The following OPTN variants were observed in gnomAD, a reference collection of about 807,000 sequenced individuals.
OPTN encodes the protein E3-14.7K-interacting protein.
OPTN carries 54 observed loss-of-function variants against 70.4 expected under a neutral mutation model. The ratio of observed to expected loss-of-function variants is 0.77; its 90% confidence interval spans 0.62 to 0.96. The LOEUF (loss-of-function observed/expected upper bound fraction) is 0.96, where lower values mean the gene tolerates loss of function less well. Among genes scored for constraint, OPTN ranks in the 40% least tolerant of loss-of-function variants. OPTN has a pLI of 0.00. For synonymous variants in OPTN, 256 were observed against 248.5 expected (o/e 1.03, Z -0.28); for missense variants, 624 against 673.2 (o/e 0.93, Z 0.81).
rs1832783010 is a variant in OPTN, at chr10:13,102,969, ATATT to A, written c.-164+2670_-164+2673del. Among the ~76,000 whole-genome samples, 3 of 151,980 alleles carry A rather than the reference ATATT, an allele frequency of 2.0e-5. No homozygotes were observed. In the South Asian group the frequency reaches 6.3e-4, roughly 32 times the overall value. On this transcript the variant is annotated intron_variant, in intron 1 of 14. Transcript: ENST00000378747. ...ATTTAAAAAAAAAAAGAAAAAATAA[ATATT>A]TAGGAGGTAGAGGTGATGGCATTTG...
chr10:13,110,015 A>G (rs1461737687), intron 3 of OPTN, among the ~76,000 whole-genome samples: 1 of 152,064 alleles, frequency 6.6e-6, no homozygotes, highest in Non-Finnish European at 1.5e-5. Flanking sequence ...AGATATTTAG[A>G]TATTTGTGCT....
intron 11 of OPTN, among the ~76,000 whole-genome samples, chr10:13,126,535 C>T (rs573978945): frequency 6.6e-6 from 1 of 152,186 alleles, no homozygotes; most frequent in South Asian, 2.1e-4. Flanking sequence ...CCGCCTCGGC[C>T]TCCCAAAGTG....
At chr10:13,133,791 G>T (rs184581129) in intron 14 of OPTN, among the ~76,000 whole-genome samples, 3 of 151,906 alleles carry the variant, frequency 2.0e-5, no homozygotes, top group Non-Finnish European at 4.4e-5. Context: ...AAGGTGCCTG[G>T]CACGGCCACA....
intron 6 of OPTN, among the ~76,000 whole-genome samples, chr10:13,117,452 T>G (rs1378339110): frequency 2.6e-5 from 2 of 76,036 alleles, no homozygotes. Flanking sequence ...TTTTTTTTTT[T>G]TTTTTTTTTT....
At chr10:13,102,468 A>G (rs1018869112) in intron 1 of OPTN, among the ~76,000 whole-genome samples, 6 of 152,252 alleles carry the variant, frequency 3.9e-5, no homozygotes, top group Non-Finnish European at 7.3e-5. Flanking sequence ...AATGTATTCA[A>G]CAGATATTTA....
intron 8 of OPTN, chr10:13,123,035 T>C (rs1833385531): frequency 6.1e-6 from 1 of 163,446 alleles, no homozygotes; most frequent in Middle Eastern, 1.5e-3. Flanking sequence ...CTTGACTGAT[T>C]TCTTCTCCTC....
At chr10:13,113,319 C>G (rs1833050595) in intron 5 of OPTN, among the ~76,000 whole-genome samples, 2 of 152,214 alleles carry the variant, frequency 1.3e-5, no homozygotes, top group African/African-American at 4.8e-5. Context: ...AGCCACCGCG[C>G]CTGGCCAACA....
At chr10:13,121,238 C>G (rs574076754) in intron 7 of OPTN, among the ~76,000 whole-genome samples, 1 of 152,104 alleles carries the variant, frequency 6.6e-6, no homozygotes, top group Non-Finnish European at 1.5e-5. Context: ...AAATTGCACT[C>G]GAGAGATAGT....
chr10:13,100,666 G>T (rs114769804), intron 1 of OPTN, among the ~76,000 whole-genome samples: 1,645 of 152,354 alleles, frequency 0.011, 35 homozygotes, highest in African/African-American at 0.038. Flanking sequence ...CCATAAGGAG[G>T]TGGTTACAGA....
In OPTN at chr10:13,117,439, G is replaced by GTT. The variant is rs1168488076; in HGVS notation, c.626+1122_626+1123dup. On this transcript the variant is annotated intron_variant, in intron 6 of 14. Coordinates refer to ENST00000378747, the MANE Select transcript of OPTN (RefSeq NM_001008212.2). ...ATCTTTTTTTTTTTTTTGAGATGGA[G>GTT]TTTTTTTTTTTTTTTTTTTTTTTTG... Among the ~76,000 whole-genome samples the GTT allele has an allele frequency of 6.7e-3, 218 of 32,732 alleles. 13 individuals carry two copies. The highest frequency in any genetic ancestry group is 8.5e-3 in the South Asian group (6 of 702). 21.5% of individuals were successfully genotyped at this position (32,732 alleles called of 152,430 possible).
At chr10:13,124,777 A>G (rs1833423587) in intron 9 of OPTN, among the ~76,000 whole-genome samples, 1 of 152,226 alleles carries the variant, frequency 6.6e-6, no homozygotes, top group African/African-American at 2.4e-5. Context: ...CCTAGATTTA[A>G]CATATGAGTC....
chr10:13,102,624 T>C (rs185736845), intron 1 of OPTN, among the ~76,000 whole-genome samples: 20 of 152,152 alleles, frequency 1.3e-4, no homozygotes, highest in African/African-American at 4.6e-4. Context: ...CCTGTGGGGA[T>C]GGAGAGGAGG....
At chr10:13,129,978 T>A (rs1398088609) in intron 12 of OPTN, among the ~76,000 whole-genome samples, 1 of 152,220 alleles carries the variant, frequency 6.6e-6, no homozygotes, top group Non-Finnish European at 1.5e-5. Flanking sequence ...TCTCAGCTCT[T>A]CAGAGCATTT....
rs762818081 is a variant in OPTN at position 13,109,175 on chromosome 10, A to T, written c.53A>T (p.Glu18Val). The T allele has an allele frequency of 5.6e-6, 9 of 1,614,026 alleles. No homozygotes were observed. The highest frequency in any genetic ancestry group is 6.8e-6 in the Non-Finnish European group (8 of 1,179,990). Residue 18 changes from glutamate (E) to valine (V), a missense_variant, in exon 3 of 15, where the codon GAA becomes GTA. By Grantham distance (121) the Glu-to-Val change is moderately radical. Coordinates refer to ENST00000378747, the MANE Select transcript of OPTN (RefSeq NM_001008212.2). ...CLTEKEDSPS[E>V]STGNGPPHLA... ...ACTGAAAAGGAGGACAGCCCCAGTG[A>T]AAGCACAGGAAATGGACCCCCCCAC...
chr10:13,126,569 C>T (rs1312088931), intron 11 of OPTN, among the ~76,000 whole-genome samples: 1 of 152,016 alleles, frequency 6.6e-6, no homozygotes, highest in East Asian at 1.9e-4. Flanking sequence ...CGTGAGCCAC[C>T]GCGCCCGGCC....
intron 1 of OPTN, among the ~76,000 whole-genome samples, chr10:13,102,819 T>C (rs1445942532): frequency 6.6e-6 from 1 of 152,122 alleles, no homozygotes; most frequent in Non-Finnish European, 1.5e-5. Context: ...GGCATGCACC[T>C]GTAATCCCAG....
intron 11 of OPTN, among the ~76,000 whole-genome samples, chr10:13,127,493 C>T (rs528452568): frequency 1.1e-4 from 16 of 152,070 alleles, no homozygotes; most frequent in African/African-American, 3.9e-4. Context: ...ATACAACTTT[C>T]TGAATAAGTT....
chr10:13,112,152 C>CTTTTT (rs1165425749), intron 4 of OPTN, among the ~76,000 whole-genome samples: 1 of 122,852 alleles, frequency 8.1e-6, no homozygotes, highest in Non-Finnish European at 1.7e-5. Context: ...CCTGGCTTGG[C>CTTTTT]TTTTTTTTTT....
At position 13,132,167 on chromosome 10, in the gene OPTN, A is replaced by G; in HGVS notation, c.1502A>G (p.Lys501Arg). The G allele has an allele frequency of 6.2e-7, 1 of 1,613,468 alleles. No homozygotes were observed. The highest frequency in any genetic ancestry group is 8.5e-7 in the Non-Finnish European group (1 of 1,179,520). ...QLALQLAVLL[K>R]ENDAFEDGGR... is the part of the protein sequence containing the mutation. Reference sequence around the variant, plus strand: ...GCATTGCAGCTGGCAGTTCTGCTGAAAGAGAATGATGCTTTCGAAGACGGA... The same window carrying G: ...GCATTGCAGCTGGCAGTTCTGCTGAGAGAGAATGATGCTTTCGAAGACGGA... Residue 501 changes from lysine (K) to arginine (R), a missense_variant, in exon 13 of 15, where the codon AAA (lysine) becomes AGA (arginine). Physicochemically the swap from Lys to Arg is conservative, Grantham distance 26 (BLOSUM62 2). Transcript: ENST00000378747.
Sources: allele counts gnomAD v4.1 joint callset (sites outside exome capture counted in the v4.1 genomes callset), GRCh38; gene constraint gnomAD v4.1.1; transcripts MANE v1.5; gene names NCBI Gene and HGNC (gene_info 2026-07-23, HGNC 2026-07-21).